AGBL4: variants seen among roughly 807,000 people sequenced by gnomAD.
AGBL4 encodes the protein AGBL carboxypeptidase 4, also known as cytosolic carboxypeptidase 6.
Under a neutral mutation model 66.4 loss-of-function variants are expected in AGBL4, and 58 were observed. The ratio of observed to expected loss-of-function variants is 0.87; its 90% CI spans 0.71 to 1.09. The LOEUF is 1.09. AGBL4 is among the 50% of genes least tolerant of loss of function. The probability of loss-of-function intolerance (pLI) is 0.00; values close to 1 mark genes in which losing one functional copy is unlikely to be tolerated. For synonymous variants in AGBL4, 234 were observed against 222.9 expected (o/e 1.05, Z -0.44); for missense variants, 579 against 631.0 (o/e 0.92, Z 0.88).
chr1:49,151,494 C>T (rs1286028509), intron 4 of AGBL4, among the ~76,000 whole-genome samples: 1 of 150,890 alleles, frequency 6.6e-6, no homozygotes, highest in African/African-American at 2.4e-5. Flanking sequence ...GGCCCATTAC[C>T]CATCTGATGT....
At chr1:49,859,432 GA>G (rs1646514891) in intron 1 of AGBL4, among the ~76,000 whole-genome samples, 1 of 152,066 alleles carries the variant, frequency 6.6e-6, no homozygotes, top group South Asian at 2.1e-4. Context: ...TCAACATTCA[GA>G]AATCAATTAA....
intron 3 of AGBL4, among the ~76,000 whole-genome samples, chr1:49,567,178 G>T (rs906608586): frequency 1.3e-5 from 2 of 152,210 alleles, no homozygotes; most frequent in Non-Finnish European, 2.9e-5. Flanking sequence ...GGAGTGACCC[G>T]ATTTTCCAGG....
chr1:49,209,460 A>G (rs889880067), intron 4 of AGBL4, among the ~76,000 whole-genome samples: 3 of 152,096 alleles, frequency 2.0e-5, no homozygotes, highest in Non-Finnish European at 2.9e-5. Flanking sequence ...CCTCTCCCTC[A>G]TTTTTGATAC....
intron 6 of AGBL4, among the ~76,000 whole-genome samples, chr1:48,864,488 T>C (rs61783855): frequency 0.48 from 73,319 of 152,092 alleles, 20,882 homozygotes; most frequent in Non-Finnish European, 0.65. Flanking sequence ...AGCAGCATTA[T>C]TTGCAATTGC....
chr1:48,765,116 A>G (rs1644466840), intron 6 of AGBL4, among the ~76,000 whole-genome samples: 1 of 152,312 alleles, frequency 6.6e-6, no homozygotes, highest in Non-Finnish European at 1.5e-5. Flanking sequence ...ACACATCTAC[A>G]CATCCTACCT....
chr1:49,884,520 A>T (rs187341212), intron 1 of AGBL4, among the ~76,000 whole-genome samples: 59 of 152,042 alleles, frequency 3.9e-4, no homozygotes, highest in Non-Finnish European at 7.8e-4. Flanking sequence ...CATGAAGAAT[A>T]TCTTGGTGAA....
At chr1:49,210,118 G>C (rs1006421531) in intron 4 of AGBL4, among the ~76,000 whole-genome samples, 1 of 152,078 alleles carries the variant, frequency 6.6e-6, no homozygotes, top group Non-Finnish European at 1.5e-5. Flanking sequence ...TCATTGTCCA[G>C]ATTGTGCCAG....
intron 3 of AGBL4, among the ~76,000 whole-genome samples, chr1:49,672,487 C>A: frequency 6.6e-6 from 1 of 150,604 alleles, no homozygotes. Context: ...ACCTCCAAAC[C>A]TAAAACAAAA....
chr1:48,901,925 A>G (rs1031956700), intron 5 of AGBL4, among the ~76,000 whole-genome samples: 2 of 152,230 alleles, frequency 1.3e-5, no homozygotes, highest in African/African-American at 2.4e-5. Flanking sequence ...TTGGGCTTAC[A>G]GTTCCACATG....
At chr1:49,452,359 G>A (rs1646296421) in intron 3 of AGBL4, among the ~76,000 whole-genome samples, 1 of 151,860 alleles carries the variant, frequency 6.6e-6, no homozygotes. Context: ...ATCATACTGT[G>A]CTTAAAACTC....
chr1:49,171,729 C>T (rs1015078614), intron 4 of AGBL4, among the ~76,000 whole-genome samples: 2 of 152,112 alleles, frequency 1.3e-5, no homozygotes, highest in African/African-American at 4.8e-5. Flanking sequence ...TCTCCAGTAC[C>T]TTTGTATATC....
chr1:48,575,909 A>C (rs1390878658), intron 11 of AGBL4, among the ~76,000 whole-genome samples: 2 of 152,214 alleles, frequency 1.3e-5, no homozygotes, highest in East Asian at 3.8e-4. Context: ...CTGGTACAGC[A>C]TAGGTGCTCA....
chr1:49,880,650 G>C (rs913092501), intron 1 of AGBL4, among the ~76,000 whole-genome samples: 4 of 152,178 alleles, frequency 2.6e-5, no homozygotes, highest in African/African-American at 9.7e-5. Context: ...GGAGCCTACA[G>C]AGGCAGGCAA....
chr1:49,717,897 G>C (rs1648284054), intron 2 of AGBL4, among the ~76,000 whole-genome samples: 1 of 152,008 alleles, frequency 6.6e-6, no homozygotes, highest in African/African-American at 2.4e-5. Context: ...CTTAGTTCAG[G>C]GAACCAGAAT....
chr1:49,040,084 T>C (rs1465081731), intron 5 of AGBL4, among the ~76,000 whole-genome samples: 1 of 152,012 alleles, frequency 6.6e-6, no homozygotes, highest in Non-Finnish European at 1.5e-5. Flanking sequence ...GCAAAACATA[T>C]ATCTGACAAA....
Position 49,828,057 on chromosome 1 carries a change from T to A in AGBL4, c.157+23339A>T, listed in dbSNP as rs1571655139. Among the ~76,000 whole-genome samples, 3 of 151,968 alleles carry A rather than the reference T, an allele frequency of 2.0e-5. No homozygotes were observed. In the East Asian group the frequency reaches 5.8e-4, roughly 29 times the overall value. On this transcript the variant is annotated intron_variant, in intron 2 of 13. Coordinates refer to ENST00000371839, the MANE Select transcript of AGBL4 (RefSeq NM_032785.4). The stretch of plus-strand genomic sequence containing the variant: ...TAATTGCATTTTTATTGGAAGGGAG[T>A]TCATAGCTTTCATTAGATTCTTATG...
intron 10 of AGBL4, among the ~76,000 whole-genome samples, chr1:48,587,725 C>T (rs1644846717): frequency 6.6e-6 from 1 of 151,748 alleles, no homozygotes; most frequent in Non-Finnish European, 1.5e-5. Context: ...TCACTGCAAG[C>T]TCCGTCTCCC....
intron 6 of AGBL4, among the ~76,000 whole-genome samples, chr1:48,698,663 C>T (rs1406534893): frequency 6.6e-6 from 1 of 152,220 alleles, no homozygotes; most frequent in South Asian, 2.1e-4. Flanking sequence ...AGGAGACAAA[C>T]CTTGCCCAAG....
intron 3 of AGBL4, among the ~76,000 whole-genome samples, chr1:49,448,839 A>G (rs1291451017): frequency 6.6e-6 from 1 of 152,152 alleles, no homozygotes; most frequent in Non-Finnish European, 1.5e-5. Flanking sequence ...GGGACATGTA[A>G]GATGGAAAAT....
Sources: allele counts gnomAD v4.1 joint callset (sites outside exome capture counted in the v4.1 genomes callset), GRCh38; gene constraint gnomAD v4.1.1; transcripts MANE v1.5; gene names NCBI Gene and HGNC (gene_info 2026-07-23, HGNC 2026-07-21).